The following PKHD1 variants were observed in gnomAD, a reference collection of about 807,000 sequenced individuals.
PKHD1 encodes PKHD1 ciliary IPT domain containing fibrocystin/polyductin.
In PKHD1, 291 loss-of-function variants were observed where a neutral mutation model predicts 412.0. The ratio of observed to expected loss-of-function variants is 0.71; its 90% CI spans 0.64 to 0.78. PKHD1 has a LOEUF of 0.78. Among genes scored for constraint, PKHD1 ranks in the 30% least tolerant of loss-of-function variants. The pLI, the probability that PKHD1 is intolerant of heterozygous loss-of-function variation, is 0.00. For synonymous variants in PKHD1, 1,777 were observed against 1,821.5 expected (o/e 0.98, Z 0.62); for missense variants, 4,825 against 4,950.7 (o/e 0.97, Z 0.76).
At position 51,627,027 on chromosome 6, in the gene PKHD1, G is replaced by T. The variant is rs527661272; in HGVS notation, c.11755C>A (p.Pro3919Thr). The part of the protein sequence containing the change: ...ISSKRRESQG[P>T]KKEDTVVGED... The stretch of plus-strand genomic sequence containing the variant: ...CCCACCACAGTGTCTTCTTTTTTGG[G>T]CCCTTGTGATTCTCGGCGTTTGGAT... Residue 3919 changes from proline (P) to threonine (T), a missense_variant, in exon 66 of 67, where the codon CCC (proline) becomes ACC (threonine). Coordinates refer to ENST00000371117, the MANE Select transcript of PKHD1 (RefSeq NM_138694.4). The T allele has an allele frequency of 6.2e-7, 1 of 1,613,418 alleles. No individual in the cohort carries two copies. Among genetic ancestry groups the T allele is most frequent in the South Asian group, 1.1e-5 (1 of 91,070 alleles).
intron 35 of PKHD1, among the ~76,000 whole-genome samples, chr6:51,974,319 A>G (rs1448443420): frequency 6.6e-6 from 1 of 152,220 alleles, no homozygotes; most frequent in Non-Finnish European, 1.5e-5. Context: ...CCCTTCTTAT[A>G]CTCAGCCTCT....
chr6:51,628,062 ACCTTTT>A (rs899443149), intron 65 of PKHD1, among the ~76,000 whole-genome samples: 1 of 152,118 alleles, frequency 6.6e-6, no homozygotes, highest in African/African-American at 2.4e-5. Flanking sequence ...TAGGAAATAG[ACCTTTT>A]CTTTTTCTTT....
chr6:51,927,235 T>C (rs1387710439), intron 37 of PKHD1, among the ~76,000 whole-genome samples: 3 of 151,886 alleles, frequency 2.0e-5, no homozygotes, highest in Non-Finnish European at 4.4e-5. Context: ...CCCACATCCC[T>C]CTAGGGCACC....
intron 52 of PKHD1, among the ~76,000 whole-genome samples, chr6:51,803,793 G>A (rs763365528): frequency 3.3e-5 from 5 of 151,366 alleles, no homozygotes; most frequent in South Asian, 2.1e-4. Flanking sequence ...TGTAATCTCC[G>A]CCACCTGGGT....
At chr6:52,033,229 A>G (rs1350550772) in intron 28 of PKHD1, 64 bp from the exon 29 acceptor site, 4 of 1,234,700 alleles carry the variant, frequency 3.2e-6, no homozygotes, top group African/African-American at 1.5e-5. Context: ...ACTTAAGGGA[A>G]GAGAACTCCA....
At chr6:52,001,949 T>C (rs889799992) in intron 35 of PKHD1, among the ~76,000 whole-genome samples, 52 of 152,202 alleles carry the variant, frequency 3.4e-4, no homozygotes, top group Non-Finnish European at 1.3e-4. Flanking sequence ...CATTATGTAT[T>C]TAACCAAAAA....
intron 63 of PKHD1, among the ~76,000 whole-genome samples, chr6:51,644,728 T>G (rs1769857936): frequency 6.6e-6 from 1 of 152,148 alleles, no homozygotes; most frequent in Admixed American, 6.5e-5. Context: ...GTCACCAGGC[T>G]GGAATGCAGT....
At chr6:51,775,544 T>C (rs930313082) in intron 54 of PKHD1, among the ~76,000 whole-genome samples, 1 of 151,976 alleles carries the variant, frequency 6.6e-6, no homozygotes, top group Non-Finnish European at 1.5e-5. Flanking sequence ...GTCTGACTAA[T>C]CTGGATCTTA....
chr6:51,721,917 C>T, intron 60 of PKHD1: 1 of 1,611,478 alleles, frequency 6.2e-7, no homozygotes, highest in Non-Finnish European at 8.5e-7. Flanking sequence ...CATGCTCCAA[C>T]CCATTCTTCA....
At chr6:52,039,960 C>T (rs1331157581) in intron 27 of PKHD1, among the ~76,000 whole-genome samples, 5 of 152,186 alleles carry the variant, frequency 3.3e-5, no homozygotes, top group Non-Finnish European at 5.9e-5. Context: ...TTACAACATA[C>T]ATGAACCTTA....
intron 10 of PKHD1, among the ~76,000 whole-genome samples, chr6:52,069,876 GGCTGTATA>G (rs1164453250): frequency 1.3e-5 from 2 of 151,962 alleles, no homozygotes; most frequent in Non-Finnish European, 2.9e-5. Context: ...CCATACTTTG[GGCTGTATA>G]GCTATAATTG....
In PKHD1 at chr6:51,632,736, AAAG is replaced by A. The variant is rs1164505327; in HGVS notation, c.11507-16_11507-14del. On this transcript the variant is annotated splice_polypyrimidine_tract_variant and intron_variant, in intron 64 of 66. Coordinates refer to ENST00000371117, the MANE Select transcript of PKHD1 (RefSeq NM_138694.4). ...GTAAAATTGACTCCTGTGGCGGGGA[AAAG>A]AAGATGTTTCAATGATATGTTAATA... The A allele has an allele frequency of 2.5e-6, 4 of 1,609,086 alleles. No homozygotes were observed. In the Admixed American group the frequency reaches 5.0e-5, roughly 20 times the overall value.
chr6:51,715,607 T>C (rs1436681375), intron 60 of PKHD1, among the ~76,000 whole-genome samples: 1 of 152,208 alleles, frequency 6.6e-6, no homozygotes, highest in Non-Finnish European at 1.5e-5. Context: ...TTTTGGTCTT[T>C]TTGAGCACAT....
At chr6:52,059,742 C>T (rs1411501670) in intron 15 of PKHD1, among the ~76,000 whole-genome samples, 186 bp downstream of exon 15, 2 of 152,198 alleles carry the variant, frequency 1.3e-5, no homozygotes, top group Non-Finnish European at 2.9e-5. Context: ...ATTTGGCTTA[C>T]AGTAAATGCT....
chr6:51,671,341 A>G (rs1247395076), intron 60 of PKHD1, among the ~76,000 whole-genome samples: 3 of 152,116 alleles, frequency 2.0e-5, no homozygotes, highest in African/African-American at 4.8e-5. Flanking sequence ...TGATCGCATC[A>G]GCTCCTGAGG....
chr6:51,650,677 T>G (rs1367793342), intron 61 of PKHD1, among the ~76,000 whole-genome samples: 1 of 151,956 alleles, frequency 6.6e-6, no homozygotes, highest in African/African-American at 2.4e-5. Flanking sequence ...AGGAAGCAAT[T>G]TTCTTCTCCC....
intron 35 of PKHD1, among the ~76,000 whole-genome samples, chr6:51,986,596 G>A (rs926443089): frequency 2.0e-5 from 3 of 152,052 alleles, no homozygotes; most frequent in African/African-American, 7.2e-5. Flanking sequence ...ATGATCCAGA[G>A]GTATCAACAA....
rs148428486 is a variant in PKHD1, at chr6:52,025,171, G to C, written c.4639C>G (p.Pro1547Ala). ...GTATAAAAAACTGACAGGTAGTGGGGTCCTGGGGCCAAGTCTCTTGTCTGG... is the reference window on the plus strand; with the variant it reads ...GTATAAAAAACTGACAGGTAGTGGGCTCCTGGGGCCAAGTCTCTTGTCTGG... ...VCQTRDLAPG[P>A]HYLSVFYTRN... The change falls in exon 32 of 67, where the codon CCC becomes GCC. Residue 1547 changes from proline to alanine, a missense_variant. Coordinates refer to ENST00000371117, the MANE Select transcript of PKHD1 (RefSeq NM_138694.4). 1.2e-6 allele frequency: 2 copies of C among 1,613,996 alleles called. No homozygotes were observed. The highest frequency in any genetic ancestry group is 2.7e-5 in the African/African-American group (2 of 74,894).
At position 51,903,828 on chromosome 6, in the gene PKHD1, A is replaced by G. The variant is rs892179591; in HGVS notation, c.6866-101T>C. 55 of 593,334 alleles carry G rather than the reference A, an allele frequency of 9.3e-5. No individual in the cohort carries two copies. In the South Asian group the frequency reaches 9.5e-4, roughly 10 times the overall value. 36.8% of individuals were successfully genotyped at this position (593,334 alleles called of 1,614,324 possible). On this transcript the variant is annotated intron_variant, in intron 42 of 66. Transcript: ENST00000371117. The stretch of plus-strand genomic sequence containing the variant: ...ATACACATCAGAGTTCACATAATGC[A>G]TTTCATATATATATATATATATATA...
Sources: gnomAD v4.1 joint callset for allele counts (sites outside exome capture counted in the v4.1 genomes callset) on GRCh38, gnomAD v4.1.1 for gene constraint, MANE v1.5 for transcripts, NCBI Gene and HGNC (gene_info 2026-07-23, HGNC 2026-07-21) for gene names.